DPYD: variants seen among roughly 807,000 people sequenced by gnomAD.
The protein encoded by DPYD is dihydropyrimidine dehydrogenase [NADP(+)].
In DPYD, 109 loss-of-function variants were observed where a neutral mutation model predicts 116.2. The ratio of observed to expected loss-of-function variants is 0.94; its 90% CI spans 0.80 to 1.10. The LOEUF (loss-of-function observed/expected upper bound fraction) is 1.10. DPYD is among the 50% of genes least tolerant of loss of function. DPYD has a pLI of 0.00. For missense variants in DPYD, 1,302 were observed against 1,254.5 expected, an observed-to-expected ratio of 1.04 and a Z score of -0.57; for synonymous variants, 440 against 432.0, an observed-to-expected ratio of 1.02 and a Z score of -0.23.
rs12030792 is a variant in DPYD, at chr1:97,432,033, A to C, written c.1905+18026T>G. 1.1e-4 allele frequency among the ~76,000 whole-genome samples: 16 copies of C among 152,288 alleles called. No homozygotes were observed. The East Asian group carries it at 2.3e-3, about 22-fold the overall frequency. On this transcript the variant is annotated intron_variant, in intron 14 of 22. Transcript: ENST00000370192. ...GGTTCCATCTATGTTGTTGCAAATG[A>C]TAGAATTTCATTCTTTCTACGGCTG...
At chr1:97,453,533 T>C (rs146064138) in intron 13 of DPYD, among the ~76,000 whole-genome samples, 3 of 152,240 alleles carry the variant, frequency 2.0e-5, no homozygotes, top group Admixed American at 1.3e-4. Flanking sequence ...CTAAGCTATA[T>C]GCTATATGCT....
At chr1:97,180,946 A>T (rs1657605628) in intron 20 of DPYD, among the ~76,000 whole-genome samples, 1 of 152,178 alleles carries the variant, frequency 6.6e-6, no homozygotes, top group Non-Finnish European at 1.5e-5. Flanking sequence ...CAGGCATGCA[A>T]TGGTGGATTG....
chr1:97,625,925 G>C (rs972733504), intron 8 of DPYD, among the ~76,000 whole-genome samples: 1 of 152,008 alleles, frequency 6.6e-6, no homozygotes, highest in Non-Finnish European at 1.5e-5. Context: ...GACATAGACT[G>C]GACAAATGAA....
chr1:97,157,533 T>C (rs752752737), intron 20 of DPYD, among the ~76,000 whole-genome samples: 10 of 152,172 alleles, frequency 6.6e-5, no homozygotes, highest in Non-Finnish European at 1.5e-4. Flanking sequence ...TTTCCTATTA[T>C]TAAGTCAGTT....
At chr1:97,629,070 T>G (rs574202646) in intron 8 of DPYD, among the ~76,000 whole-genome samples, 1 of 152,098 alleles carries the variant, frequency 6.6e-6, no homozygotes, top group African/African-American at 2.4e-5. Context: ...TGGATGTTTT[T>G]ATGGCTCCTT....
At chr1:97,156,530 T>G (rs1174197026) in intron 20 of DPYD, among the ~76,000 whole-genome samples, 1 of 152,052 alleles carries the variant, frequency 6.6e-6, no homozygotes. Flanking sequence ...TCACCATCAC[T>G]GGCCATCGGA....
At chr1:97,088,359 C>CT (rs1434184067) in intron 21 of DPYD, among the ~76,000 whole-genome samples, 1 of 152,144 alleles carries the variant, frequency 6.6e-6, no homozygotes, top group African/African-American at 2.4e-5. Flanking sequence ...TTCAAACAGA[C>CT]TTTTTTAGCC....
chr1:97,554,952 GT>G (rs1009595689), intron 11 of DPYD, among the ~76,000 whole-genome samples: 6 of 151,758 alleles, frequency 4.0e-5, no homozygotes, highest in Non-Finnish European at 7.4e-5. Flanking sequence ...AAAAAACTTT[GT>G]TTTTGACATG....
intron 3 of DPYD, among the ~76,000 whole-genome samples, chr1:97,755,613 C>A (rs780832082): frequency 5.3e-5 from 8 of 152,150 alleles, no homozygotes; most frequent in Non-Finnish European, 8.8e-5. Flanking sequence ...ACTGATCTCT[C>A]TTCTTTTATC....
chr1:97,456,029 T>C (rs1676663922), intron 13 of DPYD, among the ~76,000 whole-genome samples: 1 of 151,822 alleles, frequency 6.6e-6, no homozygotes, highest in Non-Finnish European at 1.5e-5. Context: ...AGCACTGACA[T>C]TGTAGAAATA....
intron 12 of DPYD, among the ~76,000 whole-genome samples, chr1:97,517,035 A>T (rs953466526): frequency 2.0e-5 from 3 of 151,830 alleles, no homozygotes; most frequent in Non-Finnish European, 4.4e-5. Flanking sequence ...GTGTAGATAA[A>T]GATTTCCATG....
chr1:97,251,738 T>C (rs1161128376), intron 18 of DPYD, among the ~76,000 whole-genome samples: 2 of 152,096 alleles, frequency 1.3e-5, no homozygotes, highest in African/African-American at 4.8e-5. Context: ...GATGAGCATA[T>C]AAAGACAGGT....
intron 3 of DPYD, among the ~76,000 whole-genome samples, chr1:97,813,228 A>G (rs1668418127): frequency 6.6e-6 from 1 of 152,052 alleles, no homozygotes; most frequent in Admixed American, 6.6e-5. Flanking sequence ...TCATTTTTTC[A>G]CTACTAAAAA....
chr1:97,790,613 T>C (rs962915266), intron 3 of DPYD, among the ~76,000 whole-genome samples: 1 of 152,242 alleles, frequency 6.6e-6, no homozygotes, highest in Admixed American at 6.5e-5. Flanking sequence ...TAATACCATA[T>C]GTTGAAAAAG....
At chr1:97,237,345 G>C (rs1240875422) in intron 18 of DPYD, among the ~76,000 whole-genome samples, 2 of 142,044 alleles carry the variant, frequency 1.4e-5, no homozygotes, top group African/African-American at 5.3e-5. Context: ...TACTGCTTTT[G>C]TACTCAACAC....
At chr1:97,195,710 C>A (rs1457623352) in intron 19 of DPYD, among the ~76,000 whole-genome samples, 5 of 115,408 alleles carry the variant, frequency 4.3e-5, no homozygotes, top group Non-Finnish European at 6.9e-5. Context: ...TCTCAGCAAG[C>A]AGTGGTAGTG....
chr1:97,515,672 T>C, intron 13 of DPYD, 54 bp downstream of exon 13: 2 of 1,500,340 alleles, frequency 1.3e-6, no homozygotes, highest in South Asian at 2.3e-5. Flanking sequence ...TGTTTATACC[T>C]TAATTAAAAT....
intron 10 of DPYD, among the ~76,000 whole-genome samples, chr1:97,589,361 G>A (rs974255920): frequency 1.3e-5 from 2 of 152,168 alleles, no homozygotes; most frequent in Non-Finnish European, 1.5e-5. Flanking sequence ...TCATGGGGGT[G>A]GTTCCCCCAT....
intron 13 of DPYD, among the ~76,000 whole-genome samples, chr1:97,513,205 A>T (rs1017674230): frequency 6.6e-6 from 1 of 151,696 alleles, no homozygotes; most frequent in Non-Finnish European, 1.5e-5. Context: ...CAGGATGAAA[A>T]TCAAAAGCAT....
Sources: gnomAD v4.1 joint callset for allele counts (sites outside exome capture counted in the v4.1 genomes callset) on GRCh38, gnomAD v4.1.1 for gene constraint, MANE v1.5 for transcripts, NCBI Gene and HGNC (gene_info 2026-07-23, HGNC 2026-07-21) for gene names.